The following DMD variants were observed in gnomAD, a reference collection of about 807,000 sequenced individuals.
The protein encoded by DMD is mutant dystrophin.
DMD carries 63 observed loss-of-function variants against 330.1 expected under a neutral mutation model. That is an observed-to-expected ratio of 0.19 (90% CI 0.16 to 0.24). DMD has a LOEUF of 0.24. Ranked by LOEUF, DMD falls within the 10% of genes least tolerant of loss-of-function variation. The probability of loss-of-function intolerance (pLI) is 1.00; values close to 1 mark genes in which losing one functional copy is unlikely to be tolerated. For missense variants in DMD, 3,344 were observed against 2,684.1 expected (o/e 1.25, Z -5.43); for synonymous variants, 1,223 against 959.8 (o/e 1.27, Z -5.07).
intron 73 of DMD, 113 bp from the exon 74 acceptor site, chrX:31,169,714 A>C (rs1646955141): frequency 8.3e-6 from 6 of 727,241 alleles, no homozygotes; most frequent in Non-Finnish European, 1.2e-5. Context: ...TTAACAATTA[A>C]TTAGACCTTT....
chrX:31,570,593 T>A (rs1025465393), intron 55 of DMD, among the ~76,000 whole-genome samples: 17 of 111,782 alleles, frequency 1.5e-4, no homozygotes, highest in African/African-American at 5.5e-4. Context: ...ATCTGAGTGG[T>A]TGCTATATGG....
At chrX:32,944,411 AT>A (rs1408006531) in intron 2 of DMD, among the ~76,000 whole-genome samples, 1 of 111,582 alleles carries the variant, frequency 9.0e-6, no homozygotes, top group Non-Finnish European at 1.9e-5. Flanking sequence ...ATGATTGAAT[AT>A]TTGTTCAAGG....
intron 1 of DMD, among the ~76,000 whole-genome samples, chrX:33,115,666 C>G (rs1172092790): frequency 2.8e-5 from 3 of 107,964 alleles, no homozygotes; most frequent in African/African-American, 1.0e-4. Context: ...CGCCCGCAAC[C>G]ACGCCCGGCT....
chrX:31,770,950 T>C (rs2090304654), intron 51 of DMD, among the ~76,000 whole-genome samples: 1 of 112,082 alleles, frequency 8.9e-6, no homozygotes, highest in East Asian at 2.8e-4. Flanking sequence ...CAACTTTATG[T>C]TTCCCAGGTA....
chrX:31,543,918 G>C (rs1358905536), intron 55 of DMD, among the ~76,000 whole-genome samples: 1 of 111,622 alleles, frequency 9.0e-6, no homozygotes, highest in African/African-American at 3.3e-5. Context: ...AAGAAATCAG[G>C]TATCTTCCTC....
intron 1 of DMD, among the ~76,000 whole-genome samples, chrX:33,113,611 T>G (rs2095358268): frequency 9.3e-6 from 1 of 107,380 alleles, no homozygotes; most frequent in South Asian, 4.5e-4. Context: ...CAAAAAAATC[T>G]TCTAGCAACT....
intron 21 of DMD, among the ~76,000 whole-genome samples, chrX:32,477,551 CAA>C (rs929169474): frequency 1.8e-5 from 2 of 110,526 alleles, no homozygotes; most frequent in African/African-American, 6.6e-5. Context: ...TTTGTGATAA[CAA>C]AAGAGCTAAG....
intron 63 of DMD, among the ~76,000 whole-genome samples, chrX:31,229,109 C>G (rs1294824643): frequency 8.9e-6 from 1 of 112,058 alleles, no homozygotes; most frequent in Non-Finnish European, 1.9e-5. Context: ...TTCACTTTTA[C>G]TCTGTGTAAT....
intron 44 of DMD, among the ~76,000 whole-genome samples, chrX:32,122,947 C>T (rs1026407864): frequency 5.5e-5 from 6 of 108,886 alleles, no homozygotes; most frequent in Non-Finnish European, 1.1e-4. Context: ...GACTTCACCC[C>T]TTAATCGGTT....
intron 9 of DMD, among the ~76,000 whole-genome samples, chrX:32,655,958 C>A (rs186252905): frequency 4.1e-3 from 443 of 107,647 alleles, no homozygotes; most frequent in African/African-American, 0.016. Context: ...ACTAGGATTG[C>A]AACCCCTGCC....
rs988368450 is a variant in DMD at position 31,992,108 on chromosome X, A to G, written c.6439-23594T>C. Among the ~76,000 whole-genome samples, 14 of 111,909 alleles carry G rather than the reference A, an allele frequency of 1.3e-4. No individual in the cohort carries two copies. The Admixed American group carries it at 1.3e-3, about 11-fold the overall frequency. On this transcript the variant is annotated intron_variant, in intron 44 of 78. Transcript: ENST00000357033. Reference sequence around the variant, plus strand: ...TGTGGTCACTGTAATGGGAGCTAATAGACACTCCTGAGGGAAGTTAGAGGG... The same window carrying G: ...TGTGGTCACTGTAATGGGAGCTAATGGACACTCCTGAGGGAAGTTAGAGGG...
chrX:33,256,101 A>G (rs2052852361), intron 1 of DMD, among the ~76,000 whole-genome samples: 1 of 111,289 alleles, frequency 9.0e-6, no homozygotes, highest in African/African-American at 3.2e-5. Context: ...CAATCAAGAA[A>G]GTCTTTACAT....
Position 32,645,064 on chromosome X carries a change from T to A in DMD, c.1049A>T (p.Glu350Val). 8.3e-7 allele frequency: 1 copy of A among 1,211,587 alleles called. No individual in the cohort carries two copies. The highest frequency in any genetic ancestry group is 1.1e-6 in the Non-Finnish European group (1 of 895,432). ...AGCAGAAAGAAGCCACGATAATACT[T>A]CTTCTAAAGCTGTTTGATAACGGTC... is the stretch of plus-strand genomic sequence containing the variant. ...NLDRYQTALE[E>V]VLSWLLSAED... The change falls in exon 10 of 79, where the codon GAA becomes GTA. Residue 350 changes from glutamate (E) to valine (V), a missense_variant. Physicochemically the swap from Glu to Val is moderately radical, Grantham distance 121. Coordinates refer to ENST00000357033, the MANE Select transcript of DMD (RefSeq NM_004006.3).
At position 31,627,782 on chromosome X, in the gene DMD, G is replaced by A. The variant is rs2078923475; in HGVS notation, c.8108C>T (p.Ala2703Val). 2 of 1,209,124 alleles carry A rather than the reference G, an allele frequency of 1.7e-6. No homozygotes were observed. Among genetic ancestry groups the A allele is most frequent in the Admixed American group, 2.2e-5 (1 of 45,591 alleles). Reference protein sequence around the residue: ...QFPLDLEKFLAWLTEAETTAN... With the variant: ...QFPLDLEKFLVWLTEAETTAN... ...AGTTGTTTCAGCTTCTGTAAGCCAG[G>A]CAAGAAACTTTTCCAGGTCCAGGGG... The change falls in exon 55 of 79, where the codon GCC becomes GTC. Residue 2703 changes from alanine to valine, a missense_variant. By Grantham distance (64) the Ala-to-Val change is moderately conservative (BLOSUM62 0). Coordinates refer to ENST00000357033, the MANE Select transcript of DMD (RefSeq NM_004006.3).
chrX:31,724,369 C>G (rs2085838219), intron 52 of DMD, among the ~76,000 whole-genome samples: 1 of 112,225 alleles, frequency 8.9e-6, no homozygotes, highest in African/African-American at 3.2e-5. Flanking sequence ...TGCTATAAAA[C>G]TGTCAGTTAA....
intron 34 of DMD, among the ~76,000 whole-genome samples, chrX:32,375,941 T>A (rs923450426): frequency 1.5e-4 from 17 of 111,618 alleles, no homozygotes; most frequent in African/African-American, 5.2e-4. Flanking sequence ...CCCCTAAGCC[T>A]ATGCCAAGTT....
At chrX:31,790,526 C>T (rs2091519294) in intron 50 of DMD, among the ~76,000 whole-genome samples, 1 of 111,306 alleles carries the variant, frequency 9.0e-6, no homozygotes, top group African/African-American at 3.3e-5. Context: ...GTTTTCAGTG[C>T]CATGAAAATA....
chrX:31,882,424 CA>C (rs906478118), intron 47 of DMD, among the ~76,000 whole-genome samples: 1 of 109,610 alleles, frequency 9.1e-6, no homozygotes, highest in African/African-American at 3.3e-5. Flanking sequence ...ATGTAAAAGG[CA>C]AAAAAATAAA....
chrX:32,059,611 A>C (rs1051395560), intron 44 of DMD, among the ~76,000 whole-genome samples: 33 of 111,686 alleles, frequency 3.0e-4, no homozygotes, highest in Non-Finnish European at 4.3e-4. Context: ...TCCAGGCTTT[A>C]AATTCCGAAA....
Sources: allele counts gnomAD v4.1 joint callset (sites outside exome capture counted in the v4.1 genomes callset), GRCh38; gene constraint gnomAD v4.1.1; transcripts MANE v1.5; gene names NCBI Gene and HGNC (gene_info 2026-07-23, HGNC 2026-07-21).